Variants in PTPN14 observed in about 807,000 individuals in gnomAD.
PTPN14 encodes tyrosine-protein phosphatase non-receptor type 14.
PTPN14 carries 53 observed loss-of-function variants against 126.8 expected under a neutral mutation model. The observed-to-expected ratio is 0.42, with a 90% CI of 0.34 to 0.53. PTPN14 has a LOEUF of 0.53. PTPN14 is among the 20% of genes least tolerant of loss of function. The probability of loss-of-function intolerance (pLI) is 0.08; values close to 1 mark genes in which losing one functional copy is unlikely to be tolerated. For missense variants in PTPN14, 1,257 were observed against 1,552.9 expected (o/e 0.81, Z 3.20); for synonymous variants, 630 against 599.3 (o/e 1.05, Z -0.75).
At chr1:214,486,128 G>T (rs1661106994) in intron 1 of PTPN14, among the ~76,000 whole-genome samples, 1 of 152,062 alleles carries the variant, frequency 6.6e-6, no homozygotes, top group Admixed American at 6.5e-5. Flanking sequence ...AGAGGGAGGG[G>T]TGTTAATAAG....
chr1:214,442,846 G>A (rs1334934131), intron 3 of PTPN14, among the ~76,000 whole-genome samples: 2 of 150,558 alleles, frequency 1.3e-5, no homozygotes, highest in Admixed American at 6.6e-5. Flanking sequence ...TCTTTGAGAC[G>A]GAGTTTCACT....
intron 1 of PTPN14, among the ~76,000 whole-genome samples, chr1:214,535,941 T>G (rs2102477025): frequency 6.6e-6 from 1 of 152,286 alleles, no homozygotes; most frequent in East Asian, 1.9e-4. Context: ...TCTGTATGAT[T>G]CAAGAATCAC....
At position 214,351,483 on chromosome 1, in the gene PTPN14, G is replaced by A. The variant is rs1391919771; in HGVS notation, c.*6439C>T. 1.3e-5 allele frequency: 2 copies of A among 152,206 alleles called. No individual in the cohort carries two copies. The highest frequency in any genetic ancestry group is 1.3e-4 in the Admixed American group (2 of 15,286). 9.4% of individuals were successfully genotyped at this position (152,206 alleles called of 1,614,324 possible). ...AATAGAAACATGACTTGCTCTAAAG[G>A]GGAATGTCCTCTGCAGCACCTCTGA... On this transcript the variant is annotated 3_prime_UTR_variant, in exon 19 of 19. Transcript: ENST00000366956.
intron 3 of PTPN14, among the ~76,000 whole-genome samples, chr1:214,451,282 T>A (rs1372832578): frequency 1.3e-5 from 2 of 152,190 alleles, no homozygotes; most frequent in East Asian, 1.9e-4. Flanking sequence ...AACCTCAGTG[T>A]CCCGAGGAGC....
chr1:214,467,990 T>C (rs1660678680), intron 1 of PTPN14, among the ~76,000 whole-genome samples: 3 of 152,086 alleles, frequency 2.0e-5, no homozygotes, highest in Middle Eastern at 3.4e-3. Flanking sequence ...AAAAGAGATT[T>C]AGGAATTATG....
chr1:214,493,357 G>A (rs74142723), intron 1 of PTPN14, among the ~76,000 whole-genome samples: 5,671 of 152,160 alleles, frequency 0.037, 316 homozygotes, highest in African/African-American at 0.13. Context: ...GTTCCTCCAC[G>A]GTGGTTGTAC....
At chr1:214,438,749 G>A (rs1190420870) in intron 3 of PTPN14, among the ~76,000 whole-genome samples, 1 of 152,106 alleles carries the variant, frequency 6.6e-6, no homozygotes, top group Non-Finnish European at 1.5e-5. Flanking sequence ...GGTTAGTGTG[G>A]GTCACAGAGA....
Position 214,356,260 on chromosome 1 carries a change from A to C in PTPN14, c.*1662T>G, listed in dbSNP as rs1657818445. The C allele has an allele frequency of 6.6e-6, 1 of 152,182 alleles. No individual in the cohort carries two copies. The highest frequency in any genetic ancestry group is 2.1e-4 in the South Asian group (1 of 4,830). 9.4% of individuals were successfully genotyped at this position (152,182 alleles called of 1,614,324 possible). A position where few individuals can be genotyped will look rare whatever the true frequency, so the allele number is the denominator to read the frequency against. On this transcript the variant is annotated 3_prime_UTR_variant, in exon 19 of 19. Coordinates refer to ENST00000366956, the MANE Select transcript of PTPN14 (RefSeq NM_005401.5). ...AGGTGTGAACCACCGTGCCTGGCTG[A>C]CTACAGTTTTTTAATTGCACGTTTG... is the stretch of plus-strand genomic sequence containing the variant.
intron 1 of PTPN14, among the ~76,000 whole-genome samples, chr1:214,520,065 AATATAT>A (rs1553274995): frequency 2.8e-5 from 2 of 71,110 alleles, no homozygotes; most frequent in African/African-American, 1.5e-4. Flanking sequence ...AAAAAAAAAA[AATATAT>A]ATATATATAT....
intron 5 of PTPN14, 126 bp from the exon 6 acceptor site, chr1:214,403,079 T>C (rs1659073428): frequency 3.6e-6 from 3 of 841,190 alleles, no homozygotes; most frequent in South Asian, 1.7e-5. Flanking sequence ...TCTCCTTTAC[T>C]GCTGTAGAAT....
At chr1:214,452,066 C>T in intron 2 of PTPN14, 92 bp from the exon 3 acceptor site, 1 of 1,392,812 alleles carries the variant, frequency 7.2e-7, no homozygotes, top group Non-Finnish European at 9.8e-7. Flanking sequence ...CTGCATCCCA[C>T]CCTGGGTTCC....
intron 8 of PTPN14, among the ~76,000 whole-genome samples, chr1:214,395,636 G>C (rs1169019969): frequency 3.3e-5 from 3 of 90,058 alleles, no homozygotes; most frequent in Non-Finnish European, 4.7e-5. Flanking sequence ...CACACACACA[G>C]AGTTTCCTTC....
At chr1:214,413,916 G>A (rs1238782553) in intron 4 of PTPN14, among the ~76,000 whole-genome samples, 1 of 151,958 alleles carries the variant, frequency 6.6e-6, no homozygotes, top group East Asian at 1.9e-4. Flanking sequence ...TGATTCACCT[G>A]CCTCGACCTC....
At chr1:214,495,226 G>A (rs931930316) in intron 1 of PTPN14, among the ~76,000 whole-genome samples, 4 of 152,282 alleles carry the variant, frequency 2.6e-5, no homozygotes, top group Non-Finnish European at 2.9e-5. Context: ...CTCTCTGAGC[G>A]TTGGTTCCCT....
At position 214,358,155 on chromosome 1, in the gene PTPN14, G is replaced by C. The variant is rs934566304; in HGVS notation, c.3436-105C>G. The C allele has an allele frequency of 4.3e-6, 6 of 1,392,650 alleles. No homozygotes were observed. In the East Asian group the frequency reaches 1.4e-4, roughly 33 times the overall value. The allele number at this position is 1,392,650 out of a possible 1,614,324, so 86.3% of individuals were successfully genotyped here. On this transcript the variant is annotated intron_variant, in intron 18 of 18. Coordinates refer to ENST00000366956, the MANE Select transcript of PTPN14 (RefSeq NM_005401.5). Reference sequence around the variant, plus strand: ...GCACTCACCCACTGCCCATGTCCAGGTACAAGAGAAGGCAAGGGACTCTGC... The same window carrying C: ...GCACTCACCCACTGCCCATGTCCAGCTACAAGAGAAGGCAAGGGACTCTGC...
At chr1:214,439,099 T>C (rs1017554321) in intron 3 of PTPN14, among the ~76,000 whole-genome samples, 1 of 152,236 alleles carries the variant, frequency 6.6e-6, no homozygotes, top group African/African-American at 2.4e-5. Flanking sequence ...AGTGTTTTTT[T>C]TATTGTTTTA....
At chr1:214,498,534 G>C (rs1654603149) in intron 1 of PTPN14, among the ~76,000 whole-genome samples, 1 of 151,920 alleles carries the variant, frequency 6.6e-6, no homozygotes, top group South Asian at 2.1e-4. Flanking sequence ...AACTTACCTA[G>C]CCTCCAAAAA....
At chr1:214,378,218 CA>C (rs1658390195) in intron 13 of PTPN14, 116 bp from the exon 14 acceptor site, 1 of 1,318,560 alleles carries the variant, frequency 7.6e-7, no homozygotes, top group Non-Finnish European at 1.0e-6. Context: ...CAATCACCAT[CA>C]GTAGGGCAAA....
Position 214,551,517 on chromosome 1 carries a change from G to C in PTPN14, c.-489C>G, listed in dbSNP as rs912917531. Reference sequence around the variant, plus strand: ...CTCCCCGAGGACCTGAGCCAGGAGAGCAGGCGGCTGAGCCCGGAGAAGCAC... The same window carrying C: ...CTCCCCGAGGACCTGAGCCAGGAGACCAGGCGGCTGAGCCCGGAGAAGCAC... On this transcript the variant is annotated 5_prime_UTR_variant, in exon 1 of 19. Coordinates refer to ENST00000366956, the MANE Select transcript of PTPN14 (RefSeq NM_005401.5). The C allele has an allele frequency of 7.2e-5, 11 of 152,454 alleles. No individual in the cohort carries two copies. The highest frequency in any genetic ancestry group is 2.4e-4 in the African/African-American group (10 of 41,590). The allele number at this position is 152,454 out of a possible 1,614,324, so 9.4% of individuals were successfully genotyped here. A position where few individuals can be genotyped will look rare whatever the true frequency, so the allele number is the denominator to read the frequency against.
Sources: allele counts gnomAD v4.1 joint callset (sites outside exome capture counted in the v4.1 genomes callset), GRCh38; gene constraint gnomAD v4.1.1; transcripts MANE v1.5; gene names NCBI Gene and HGNC (gene_info 2026-07-23, HGNC 2026-07-21).